The following PTPRD variants were observed in gnomAD, a reference collection of about 807,000 sequenced individuals.
PTPRD encodes protein tyrosine phosphatase receptor type D.
PTPRD carries 34 observed loss-of-function variants against 214.5 expected under a neutral mutation model. The observed-to-expected ratio is 0.16, with a 90% CI of 0.12 to 0.21. The LOEUF (loss-of-function observed/expected upper bound fraction) is 0.21. Ranked by LOEUF, PTPRD falls within the 10% of genes least tolerant of loss-of-function variation. The probability of loss-of-function intolerance (pLI) is 1.00; values close to 1 mark genes in which losing one functional copy is unlikely to be tolerated. For synonymous variants in PTPRD, 1,128 were observed against 845.7 expected, an observed-to-expected ratio of 1.33 and a Z score of -5.79; for missense variants, 2,545 against 2,398.7, an observed-to-expected ratio of 1.06 and a Z score of -1.27.
At chr9:8,790,837 G>A (rs2096201831) in intron 11 of PTPRD, among the ~76,000 whole-genome samples, 1 of 151,358 alleles carries the variant, frequency 6.6e-6, no homozygotes, top group Non-Finnish European at 1.5e-5. Flanking sequence ...GCTATCCAAA[G>A]CTATTTAAAT....
At chr9:9,138,837 C>T (rs995384176) in intron 10 of PTPRD, among the ~76,000 whole-genome samples, 2 of 151,822 alleles carry the variant, frequency 1.3e-5, no homozygotes, top group Non-Finnish European at 2.9e-5. Flanking sequence ...AAATTAGGCC[C>T]TTTTATGTTT....
chr9:8,800,610 G>T (rs976554975), intron 11 of PTPRD, among the ~76,000 whole-genome samples: 57 of 152,230 alleles, frequency 3.7e-4, no homozygotes, highest in African/African-American at 1.3e-3. Context: ...TCTAAAAAGG[G>T]GAAGCATGAA....
At chr9:9,385,363 A>C (rs994374183) in intron 9 of PTPRD, among the ~76,000 whole-genome samples, 9 of 152,154 alleles carry the variant, frequency 5.9e-5, no homozygotes, top group African/African-American at 1.9e-4. Context: ...CCAGAGAGTA[A>C]AATAAACAAG....
intron 3 of PTPRD, among the ~76,000 whole-genome samples, chr9:10,340,486 T>G (rs1031074605): frequency 6.6e-6 from 1 of 152,018 alleles, no homozygotes; most frequent in African/African-American, 2.4e-5. Context: ...TTGGTTTAAG[T>G]ACAAAATTGT....
chr9:8,372,553 C>G (rs72691035), intron 39 of PTPRD, among the ~76,000 whole-genome samples: 18,622 of 151,994 alleles, frequency 0.12, 1,829 homozygotes, highest in East Asian at 0.34. Context: ...GGCAGTCTAT[C>G]TCTCCAGAGT....
chr9:9,403,181 C>A (rs1351770020), intron 8 of PTPRD, among the ~76,000 whole-genome samples: 1 of 145,996 alleles, frequency 6.8e-6, no homozygotes. Flanking sequence ...ATCCCAGGTA[C>A]TTGGGTGGCT....
intron 3 of PTPRD, among the ~76,000 whole-genome samples, chr9:10,248,533 A>AAAAAAAAAAAAAAAAAAAAAAAAAAAAAC (rs60272481): frequency 1.6e-5 from 2 of 127,444 alleles, no homozygotes; most frequent in East Asian, 2.3e-4. Context: ...AAAATAAAAA[A>AAAAAAAAAAAAAAAAAAAAAAAAAAAAAC]AATAAAGCGA....
chr9:8,952,506 A>C (rs924730714), intron 11 of PTPRD, among the ~76,000 whole-genome samples: 9 of 151,968 alleles, frequency 5.9e-5, no homozygotes, highest in Admixed American at 4.0e-4. Context: ...AGATACACAT[A>C]GTCACACATT....
At chr9:10,363,021 A>G (rs1394144033) in intron 2 of PTPRD, among the ~76,000 whole-genome samples, 1 of 152,236 alleles carries the variant, frequency 6.6e-6, no homozygotes, top group African/African-American at 2.4e-5. Context: ...ATGTAAGTTT[A>G]TATCAGAAAT....
intron 43 of PTPRD, among the ~76,000 whole-genome samples, chr9:8,338,568 A>G (rs372410469): frequency 3.9e-5 from 6 of 152,146 alleles, no homozygotes; most frequent in South Asian, 2.1e-4. Flanking sequence ...AGCCTCAAGT[A>G]ATGAAGAAGT....
intron 3 of PTPRD, among the ~76,000 whole-genome samples, chr9:10,270,269 T>C (rs114554818): frequency 0.028 from 4,287 of 152,240 alleles, 197 homozygotes; most frequent in African/African-American, 0.097. Context: ...TAGCAATAGT[T>C]TTTTTGAAAA....
At chr9:8,886,060 T>C (rs1328612821) in intron 11 of PTPRD, among the ~76,000 whole-genome samples, 1 of 151,950 alleles carries the variant, frequency 6.6e-6, no homozygotes, top group Admixed American at 6.6e-5. Flanking sequence ...ATCCCAAAGG[T>C]GATTGGTAGG....
chr9:8,846,184 A>G (rs1300692568), intron 11 of PTPRD, among the ~76,000 whole-genome samples: 2 of 152,214 alleles, frequency 1.3e-5, no homozygotes, highest in African/African-American at 2.4e-5. Flanking sequence ...ATAATATAAA[A>G]TTAAAATTAA....
At chr9:9,979,674 C>T (rs1257585124) in intron 4 of PTPRD, among the ~76,000 whole-genome samples, 1 of 152,016 alleles carries the variant, frequency 6.6e-6, no homozygotes, top group African/African-American at 2.4e-5. Flanking sequence ...AGAATATTAA[C>T]AAAGAATAAT....
At chr9:9,275,177 AT>A (rs1944960554) in intron 9 of PTPRD, among the ~76,000 whole-genome samples, 1 of 25,578 alleles carries the variant, frequency 3.9e-5, no homozygotes, top group Non-Finnish European at 7.0e-5. Context: ...TATATATAAT[AT>A]ATATGTTATA....
At chr9:9,944,439 C>A (rs2092228788) in intron 4 of PTPRD, among the ~76,000 whole-genome samples, 1 of 152,048 alleles carries the variant, frequency 6.6e-6, no homozygotes, top group South Asian at 2.1e-4. Flanking sequence ...ACACACATTT[C>A]TTTCTCCATA....
At chr9:9,571,570 G>T (rs1197247376) in intron 8 of PTPRD, among the ~76,000 whole-genome samples, 2 of 150,888 alleles carry the variant, frequency 1.3e-5, no homozygotes, top group African/African-American at 2.4e-5. Flanking sequence ...CATACTTTTG[G>T]TTCCCTTAAT....
intron 9 of PTPRD, among the ~76,000 whole-genome samples, chr9:9,307,013 C>T (rs900326647): frequency 6.6e-6 from 1 of 152,100 alleles, no homozygotes; most frequent in Admixed American, 6.6e-5. Flanking sequence ...AAGTAAGATT[C>T]AAATTGTTAA....
intron 2 of PTPRD, among the ~76,000 whole-genome samples, chr9:10,351,577 G>A (rs907206652): frequency 1.1e-4 from 17 of 151,798 alleles, no homozygotes; most frequent in Admixed American, 9.8e-4. Flanking sequence ...TTTTAGCTGT[G>A]GGAAACAGAG....
Sources: allele counts gnomAD v4.1 joint callset (sites outside exome capture counted in the v4.1 genomes callset), GRCh38; gene constraint gnomAD v4.1.1; transcripts MANE v1.5; gene names NCBI Gene and HGNC (gene_info 2026-07-23, HGNC 2026-07-21).